Variants in SACM1L observed in about 807,000 individuals in gnomAD.
SACM1L encodes the protein phosphatidylinositol-3-phosphatase SAC1.
A neutral mutation model predicts 89.5 loss-of-function variants in SACM1L; 32 were observed. That is an observed-to-expected ratio of 0.36 (90% CI 0.27 to 0.48). SACM1L has a LOEUF of 0.48. SACM1L is among the 20% of genes least tolerant of loss of function. The pLI, the probability that SACM1L is intolerant of heterozygous loss-of-function variation, is 0.99. For missense variants in SACM1L, 543 were observed against 708.5 expected, an observed-to-expected ratio of 0.77 and a Z score of 2.65; for synonymous variants, 213 against 232.8, an observed-to-expected ratio of 0.92 and a Z score of 0.77.
At chr3:45,734,430 A>C (rs1367683973) in intron 13 of SACM1L, among the ~76,000 whole-genome samples, 3 of 151,618 alleles carry the variant, frequency 2.0e-5, no homozygotes, top group Admixed American at 2.0e-4. Context: ...AAAGAAAAAG[A>C]AAAAAAATAT....
At chr3:45,714,123 T>A (rs746756381) in intron 7 of SACM1L, 44 bp downstream of exon 7, 5 of 1,298,536 alleles carry the variant, frequency 3.9e-6, no homozygotes, top group Non-Finnish European at 5.3e-6. Flanking sequence ...GATGCCTTTA[T>A]TTAAATTTTA....
chr3:45,710,341 C>T (rs1698497173), intron 5 of SACM1L, among the ~76,000 whole-genome samples: 2 of 151,908 alleles, frequency 1.3e-5, no homozygotes, highest in African/African-American at 4.8e-5. Context: ...GCTGCAATTA[C>T]AGGCGTGTGC....
intron 4 of SACM1L, among the ~76,000 whole-genome samples, chr3:45,707,809 C>T (rs1698432312): frequency 6.6e-6 from 1 of 152,156 alleles, no homozygotes; most frequent in African/African-American, 2.4e-5. Flanking sequence ...AGGTGTATGA[C>T]AGTTCACCAG....
At chr3:45,705,623 T>A (rs1475218091) in intron 3 of SACM1L, among the ~76,000 whole-genome samples, 4 of 151,368 alleles carry the variant, frequency 2.6e-5, no homozygotes, top group Admixed American at 2.6e-4. Flanking sequence ...CTGCCTCAGC[T>A]TCCTGAGTAG....
In SACM1L at chr3:45,743,951, T is replaced by C. The variant is rs1699371767; in HGVS notation, c.*282T>C. ...TGGAAGCTGAATCTGTTCATTGTAT[T>C]CTATTGATTGTCAATTTAATTAGCT... On this transcript the variant is annotated 3_prime_UTR_variant, in exon 20 of 20. Coordinates refer to ENST00000389061, the MANE Select transcript of SACM1L (RefSeq NM_014016.5). 3.9e-6 allele frequency: 1 copy of C among 258,594 alleles called. No individual in the cohort carries two copies. Among genetic ancestry groups the C allele is most frequent in the Non-Finnish European group, 7.3e-6 (1 of 137,534 alleles). The allele number at this position is 258,594 out of a possible 1,614,324, so 16.0% of individuals were successfully genotyped here.
intron 19 of SACM1L, among the ~76,000 whole-genome samples, chr3:45,743,142 T>A (rs1017848203): frequency 6.6e-6 from 1 of 152,230 alleles, no homozygotes; most frequent in African/African-American, 2.4e-5. Context: ...GTTATAGAAC[T>A]ATGAATTAAA....
intron 11 of SACM1L, among the ~76,000 whole-genome samples, chr3:45,728,487 A>G (rs902906929): frequency 5.9e-5 from 9 of 152,170 alleles, no homozygotes; most frequent in Admixed American, 5.2e-4. Context: ...CATGAGGATT[A>G]CATATAACAT....
intron 1 of SACM1L, among the ~76,000 whole-genome samples, chr3:45,691,229 CT>C (rs549572278): frequency 4.6e-5 from 7 of 152,188 alleles, no homozygotes; most frequent in African/African-American, 1.4e-4. Flanking sequence ...TCAGTCCTAG[CT>C]TTTTTTCCCC....
At chr3:45,727,290 GTTGT>G (rs947298853) in intron 11 of SACM1L, among the ~76,000 whole-genome samples, 2 of 152,054 alleles carry the variant, frequency 1.3e-5, no homozygotes, top group Non-Finnish European at 2.9e-5. Flanking sequence ...GGTTCAGTAT[GTTGT>G]TTGTTTTTCA....
intron 11 of SACM1L, among the ~76,000 whole-genome samples, chr3:45,729,543 C>T (rs908557681): frequency 6.6e-6 from 1 of 152,138 alleles, no homozygotes; most frequent in African/African-American, 2.4e-5. Context: ...ATTTTTCCTT[C>T]ATTTTTAAAG....
At chr3:45,729,235 G>GGCC (rs1301970679) in intron 11 of SACM1L, among the ~76,000 whole-genome samples, 1 of 150,580 alleles carries the variant, frequency 6.6e-6, no homozygotes, top group Non-Finnish European at 1.5e-5. Flanking sequence ...TACAGGTGTG[G>GGCC]GCCACCACAC....
In SACM1L at chr3:45,735,383, CTTTT is replaced by C; in HGVS notation, c.1239+20_1239+23del. 2.3e-6 allele frequency: 3 copies of C among 1,288,880 alleles called. No individual in the cohort carries two copies. The highest frequency in any genetic ancestry group is 1.8e-5 in the South Asian group (1 of 56,846). 79.8% of individuals were successfully genotyped at this position (1,288,880 alleles called of 1,614,324 possible). ...TCAGGCCCAACTTCAGGTGCGAATGCTTTTTTTTTTTTTAATTGAAAAACAACAC... is the reference window on the plus strand; with the variant it reads ...TCAGGCCCAACTTCAGGTGCGAATGCTTTTTTTTTAATTGAAAAACAACAC... On this transcript the variant is annotated intron_variant, in intron 14 of 19. Transcript: ENST00000389061.
intron 18 of SACM1L, among the ~76,000 whole-genome samples, chr3:45,739,360 C>T (rs1168687396): frequency 6.6e-6 from 1 of 152,156 alleles, no homozygotes; most frequent in Non-Finnish European, 1.5e-5. Flanking sequence ...CACCCTTTGG[C>T]TTGGAGCAAA....
chr3:45,690,048 TA>T (rs1369913756), intron 1 of SACM1L: 3 of 153,324 alleles, frequency 2.0e-5, no homozygotes, highest in Admixed American at 6.5e-5. Flanking sequence ...TACTTTGGTT[TA>T]AATTTTAAAC....
chr3:45,711,027 A>C (rs961432680), intron 5 of SACM1L, among the ~76,000 whole-genome samples: 1 of 152,188 alleles, frequency 6.6e-6, no homozygotes, highest in Non-Finnish European at 1.5e-5. Context: ...GTGGGAGCCT[A>C]CAGTCTGCTG....
At chr3:45,724,455 G>C (rs1468555439) in intron 11 of SACM1L, among the ~76,000 whole-genome samples, 3 of 151,990 alleles carry the variant, frequency 2.0e-5, no homozygotes, top group African/African-American at 7.2e-5. Flanking sequence ...ATCTTCTTTG[G>C]AGAAATGTCT....
chr3:45,691,920 A>C (rs946073687), intron 1 of SACM1L, among the ~76,000 whole-genome samples: 2 of 152,164 alleles, frequency 1.3e-5, no homozygotes, highest in Non-Finnish European at 2.9e-5. Flanking sequence ...GTTCCATCTT[A>C]CTGACCTATA....
At chr3:45,714,356 T>G (rs1698599125) in intron 7 of SACM1L, among the ~76,000 whole-genome samples, 1 of 152,184 alleles carries the variant, frequency 6.6e-6, no homozygotes, top group African/African-American at 2.4e-5. Flanking sequence ...TGCCTTTATT[T>G]GATGTTACCT....
intron 1 of SACM1L, among the ~76,000 whole-genome samples, chr3:45,696,840 C>G (rs1367195000): frequency 6.6e-6 from 1 of 151,966 alleles, no homozygotes; most frequent in African/African-American, 2.4e-5. Context: ...AATGCCAACA[C>G]TGAAAGAAAA....
Sources: allele counts gnomAD v4.1 joint callset (sites outside exome capture counted in the v4.1 genomes callset), GRCh38; gene constraint gnomAD v4.1.1; transcripts MANE v1.5; gene names NCBI Gene and HGNC (gene_info 2026-07-23, HGNC 2026-07-21).